ARHGAP44: variants seen among roughly 807,000 people sequenced by gnomAD.
ARHGAP44 encodes the protein Rho GTPase activating protein 44, also known as rho GTPase-activating protein 44.
A neutral mutation model predicts 106.8 loss-of-function variants in ARHGAP44; 43 were observed. That is an observed-to-expected ratio of 0.40 (90% CI 0.32 to 0.52). The LOEUF (loss-of-function observed/expected upper bound fraction) is 0.52. Ranked by LOEUF, ARHGAP44 falls within the 20% of genes least tolerant of loss-of-function variation. The pLI, the probability that ARHGAP44 is intolerant of heterozygous loss-of-function variation, is 0.48. For synonymous variants in ARHGAP44, 439 were observed against 410.3 expected (o/e 1.07, Z -0.85); for missense variants, 866 against 1,050.5 (o/e 0.82, Z 2.43).
intron 6 of ARHGAP44, among the ~76,000 whole-genome samples, chr17:12,928,725 C>T (rs568347689): frequency 2.3e-4 from 35 of 152,302 alleles, no homozygotes; most frequent in African/African-American, 8.4e-4. Context: ...AGCTGATTCT[C>T]AGCTTCAGTA....
intron 1 of ARHGAP44, among the ~76,000 whole-genome samples, chr17:12,804,927 A>T (rs1339250149): frequency 6.6e-6 from 1 of 152,128 alleles, no homozygotes; most frequent in Non-Finnish European, 1.5e-5. Context: ...CCCCCTTCCT[A>T]GCTTCCTCCA....
chr17:12,919,204 G>T (rs759387146), intron 5 of ARHGAP44, among the ~76,000 whole-genome samples: 1 of 152,096 alleles, frequency 6.6e-6, no homozygotes, highest in Non-Finnish European at 1.5e-5. Context: ...CCTGAGTGTA[G>T]TAATGATTTC....
chr17:12,948,078 A>T (rs1012390022), intron 10 of ARHGAP44, among the ~76,000 whole-genome samples: 5 of 152,200 alleles, frequency 3.3e-5, no homozygotes, highest in African/African-American at 1.2e-4. Flanking sequence ...ACAGAATGCA[A>T]GGAACTAAGA....
intron 1 of ARHGAP44, among the ~76,000 whole-genome samples, chr17:12,856,032 T>C (rs2035900900): frequency 6.6e-6 from 1 of 152,230 alleles, no homozygotes; most frequent in Admixed American, 6.5e-5. Context: ...ACATTCTTAG[T>C]GATGCTACAC....
chr17:12,802,407 C>G (rs145988968), intron 1 of ARHGAP44, among the ~76,000 whole-genome samples: 17 of 152,232 alleles, frequency 1.1e-4, no homozygotes, highest in African/African-American at 4.1e-4. Flanking sequence ...AGGCCACTGG[C>G]AAAGGAGTTG....
intron 1 of ARHGAP44, among the ~76,000 whole-genome samples, chr17:12,810,106 G>A (rs1217610080): frequency 1.9e-5 from 2 of 107,836 alleles, no homozygotes; most frequent in Non-Finnish European, 3.4e-5. Context: ...TAGATGTTGT[G>A]GAAGTAAAGG....
intron 1 of ARHGAP44, among the ~76,000 whole-genome samples, chr17:12,836,509 A>G (rs1023404518): frequency 1.3e-5 from 2 of 151,780 alleles, no homozygotes; most frequent in Non-Finnish European, 2.9e-5. Context: ...TTGGCCGGGC[A>G]TGGTGGCACA....
At chr17:12,894,919 G>A in intron 1 of ARHGAP44, 21 bp from the exon 2 acceptor site, 1 of 1,573,540 alleles carries the variant, frequency 6.4e-7, no homozygotes, top group Non-Finnish European at 8.6e-7. Context: ...TTACTGATAT[G>A]TTTCTCAATG....
chr17:12,956,880 C>T, intron 15 of ARHGAP44, 134 bp downstream of exon 15: 1 of 664,088 alleles, frequency 1.5e-6, no homozygotes, highest in Non-Finnish European at 2.7e-6. Flanking sequence ...CACACACACA[C>T]ACACACACGC....
chr17:12,917,532 A>G (rs187297191), intron 5 of ARHGAP44, among the ~76,000 whole-genome samples: 286 of 152,242 alleles, frequency 1.9e-3, no homozygotes, highest in African/African-American at 6.5e-3. Flanking sequence ...TGTGTGTTTC[A>G]GCTAATTGGA....
chr17:12,835,538 T>A (rs2035213125), intron 1 of ARHGAP44, among the ~76,000 whole-genome samples: 1 of 152,196 alleles, frequency 6.6e-6, no homozygotes, highest in African/African-American at 2.4e-5. Flanking sequence ...GTATTTGTGA[T>A]TTGGAGTTAA....
intron 7 of ARHGAP44, among the ~76,000 whole-genome samples, chr17:12,932,531 C>G (rs1176187679): frequency 6.6e-6 from 1 of 152,052 alleles, no homozygotes; most frequent in South Asian, 2.1e-4. Flanking sequence ...AATGTGTTTC[C>G]TTTGCATGGG....
At chr17:12,923,293 C>T (rs1176942573) in intron 6 of ARHGAP44, among the ~76,000 whole-genome samples, 2 of 152,040 alleles carry the variant, frequency 1.3e-5, no homozygotes, top group Non-Finnish European at 2.9e-5. Context: ...TCACTGCAAC[C>T]TCCACCTCCC....
At chr17:12,859,537 G>T (rs1472618622) in intron 1 of ARHGAP44, among the ~76,000 whole-genome samples, 3 of 152,122 alleles carry the variant, frequency 2.0e-5, no homozygotes, top group African/African-American at 7.2e-5. Flanking sequence ...CCACATTTTG[G>T]TTTGGCGCTG....
chr17:12,832,840 A>G (rs2035127936), intron 1 of ARHGAP44, among the ~76,000 whole-genome samples: 1 of 152,234 alleles, frequency 6.6e-6, no homozygotes, highest in Non-Finnish European at 1.5e-5. Flanking sequence ...GAAACATTGG[A>G]AGTCTGTAAA....
chr17:12,922,818 C>T (rs7213682), intron 6 of ARHGAP44, among the ~76,000 whole-genome samples: 25,546 of 152,006 alleles, frequency 0.17, 2,705 homozygotes, highest in Non-Finnish European at 0.24. Flanking sequence ...AGGCTGGTCA[C>T]GAACTCCTCT....
chr17:12,874,524 A>C (rs1800919498), intron 1 of ARHGAP44, among the ~76,000 whole-genome samples: 1 of 152,078 alleles, frequency 6.6e-6, no homozygotes, highest in Admixed American at 6.5e-5. Context: ...TGAGGTCAGG[A>C]GTTTGAGACT....
chr17:12,986,892 G>C, intron 20 of ARHGAP44: 1 of 567,266 alleles, frequency 1.8e-6, no homozygotes, highest in Non-Finnish European at 3.1e-6. Context: ...CCCTCGCCCT[G>C]TGCGGACCCT....
intron 1 of ARHGAP44, among the ~76,000 whole-genome samples, chr17:12,802,952 TATATATATATATATA>T (rs1294635786): frequency 0.028 from 663 of 23,820 alleles, 85 homozygotes; most frequent in African/African-American, 0.16. Flanking sequence ...TATATATATA[TATATATATATATATA>T]TATTTTTTTT....
Sources: gnomAD v4.1 joint callset for allele counts (sites outside exome capture counted in the v4.1 genomes callset) on GRCh38, gnomAD v4.1.1 for gene constraint, MANE v1.5 for transcripts, NCBI Gene and HGNC (gene_info 2026-07-23, HGNC 2026-07-21) for gene names.